Variants in OAS2 observed in about 807,000 individuals in gnomAD.
The protein encoded by OAS2 is 2'-5'-oligoadenylate synthetase 2, also known as 2'-5'-oligoadenylate synthase 2.
A neutral mutation model predicts 71.3 loss-of-function variants in OAS2; 67 were observed. The ratio of observed to expected loss-of-function variants is 0.94; its 90% CI spans 0.77 to 1.15. The LOEUF is 1.15. Ranked by LOEUF, OAS2 falls within the 50% of genes most tolerant of loss-of-function variation. The probability of loss-of-function intolerance (pLI) is 0.00; values close to 1 mark genes in which losing one functional copy is unlikely to be tolerated. For synonymous variants in OAS2, 327 were observed against 321.8 expected (o/e 1.02, Z -0.17); for missense variants, 789 against 822.5 (o/e 0.96, Z 0.50).
In OAS2 at chr12:113,011,720, A is replaced by G. The variant is rs542681744; in HGVS notation, c.*2465A>G. ...ATAATAAAATGGTGATTGTAAGTAG[A>G]GCATTTTCCTGAGTTCTATGAGTCA... On this transcript the variant is annotated 3_prime_UTR_variant, in exon 10 of 10. Transcript: ENST00000392583. The G allele has an allele frequency of 6.6e-6, 1 of 152,336 alleles. No individual in the cohort carries two copies. The highest frequency in any genetic ancestry group is 1.9e-4 in the East Asian group (1 of 5,186). The allele number at this position is 152,336 out of a possible 1,614,324, so 9.4% of individuals were successfully genotyped here.
In OAS2 at chr12:113,009,125, T is replaced by A. The variant is rs775813582; in HGVS notation, c.1934T>A (p.Val645Glu). 6.2e-7 allele frequency: 1 copy of A among 1,613,800 alleles called. No homozygotes were observed. Among genetic ancestry groups the A allele is most frequent in the African/African-American group, 1.3e-5 (1 of 74,896 alleles). ...ILDPAEPTGD[V>E]GGGDRWCWHL... ...GACCCAGCCGAACCCACAGGTGACG[T>A]GGGTGGAGGGGACCGTTGGTGTTGG... The change falls in exon 10 of 10, where the codon GTG becomes GAG. Residue 645 changes from valine (V) to glutamate (E), a missense_variant. Val to Glu is a moderately radical substitution (Grantham distance 121). Transcript: ENST00000392583.
rs1293755 is a variant in OAS2 at position 112,997,645 on chromosome 12, A to T, written c.753A>T (p.Val251=). 1,163,973 of 1,613,938 alleles carry T rather than the reference A, an allele frequency of 0.72. 426,084 individuals are homozygous for T. Among genetic ancestry groups the T allele is most frequent in the East Asian group, 1 (44,837 of 44,868 alleles). ...NFDIAEGVRT[V]LELIKCQEKL... is the part of the protein sequence containing the mutation. ...ACATTGCTGAAGGCGTCAGAACCGT[A>T]CTGGAGCTGATCAAATGCCAGGAGA... The change falls in exon 4 of 10, where the codon GTA becomes GTT. Residue 251 remains valine (V), a synonymous_variant. Coordinates refer to ENST00000392583, the MANE Select transcript of OAS2 (RefSeq NM_002535.3).
intron 1 of OAS2, among the ~76,000 whole-genome samples, chr12:112,983,424 CAT>C (rs2044101689): frequency 6.6e-6 from 1 of 152,100 alleles, no homozygotes; most frequent in Non-Finnish European, 1.5e-5. Flanking sequence ...GGGGTTTCAC[CAT>C]GTTGGTCAGG....
intron 1 of OAS2, among the ~76,000 whole-genome samples, chr12:112,980,011 G>C (rs1337734698): frequency 6.6e-6 from 1 of 152,120 alleles, no homozygotes; most frequent in Non-Finnish European, 1.5e-5. Context: ...TGGTTTCTCT[G>C]ACCTATGATG....
rs372590794 is a variant in OAS2 at position 112,997,559 on chromosome 12, T to C, written c.667T>C (p.Tyr223His). Residue 223 changes from tyrosine (Y) to histidine (H), a missense_variant, in exon 4 of 10, where the codon TAT becomes CAT. Tyr to His is a moderately conservative substitution (Grantham distance 83). Transcript: ENST00000392583. ...KIKDLPSLSP[Y>H]ALELLTVYAW... The stretch of plus-strand genomic sequence containing the variant: ...CAAGGATTTACCCTCGCTGTCTCCG[T>C]ATGCCCTGGAGCTGCTTACGGTGTA... 1 of 1,614,030 alleles carries C rather than the reference T, an allele frequency of 6.2e-7. No homozygotes were observed. Among genetic ancestry groups the C allele is most frequent in the South Asian group, 1.1e-5 (1 of 91,078 alleles).
rs2044372477 is a variant in OAS2, at chr12:113,010,615, C to T, written c.*1360C>T. 9 of 1,361,570 alleles carry T rather than the reference C, an allele frequency of 6.6e-6. No homozygotes were observed. In the South Asian group the frequency reaches 1.5e-4, roughly 23 times the overall value. The allele number at this position is 1,361,570 out of a possible 1,614,324, so 84.3% of individuals were successfully genotyped here. ...GACTTCTTGAAATCAATCAAGACTGCAAACCCTTTCATAAAGTCTTGCCTT... is the reference window on the plus strand; with the variant it reads ...GACTTCTTGAAATCAATCAAGACTGTAAACCCTTTCATAAAGTCTTGCCTT... On this transcript the variant is annotated 3_prime_UTR_variant, in exon 10 of 10. Coordinates refer to ENST00000392583, the MANE Select transcript of OAS2 (RefSeq NM_002535.3).
At chr12:113,004,302 C>G (rs971819219) in intron 6 of OAS2, among the ~76,000 whole-genome samples, 2 of 152,126 alleles carry the variant, frequency 1.3e-5, no homozygotes, top group Non-Finnish European at 2.9e-5. Context: ...CCTCCTTAAC[C>G]CATGTAATCA....
In OAS2 at chr12:113,001,161, T is replaced by C. The variant is rs906706654; in HGVS notation, c.1009-1771T>C. ...GAGTTTGAGACCAGCCTGAGCAACA[T>C]AACAATACCCCGTCTCTACAAAAAT... On this transcript the variant is annotated intron_variant, in intron 5 of 9. Transcript: ENST00000392583. 4.6e-5 allele frequency among the ~76,000 whole-genome samples: 7 copies of C among 151,654 alleles called. No individual in the cohort carries two copies. The East Asian group carries it at 1.4e-3, about 29-fold the overall frequency.
chr12:113,010,612 C>T lies in OAS2; in HGVS notation c.*1357C>T. Reference sequence around the variant, plus strand: ...TTGGACTTCTTGAAATCAATCAAGACTGCAAACCCTTTCATAAAGTCTTGC... The same window carrying T: ...TTGGACTTCTTGAAATCAATCAAGATTGCAAACCCTTTCATAAAGTCTTGC... On this transcript the variant is annotated 3_prime_UTR_variant, in exon 10 of 10. Coordinates refer to ENST00000392583, the MANE Select transcript of OAS2 (RefSeq NM_002535.3). 3 of 1,371,932 alleles carry T rather than the reference C, an allele frequency of 2.2e-6. No individual in the cohort carries two copies. In the South Asian group the frequency reaches 4.9e-5, roughly 23 times the overall value. 85.0% of individuals were successfully genotyped at this position (1,371,932 alleles called of 1,614,324 possible). A position where few individuals can be genotyped will look rare whatever the true frequency, so the allele number is the denominator to read the frequency against.
At position 113,010,311 on chromosome 12, in the gene OAS2, CTT is replaced by C. The variant is rs1308421200; in HGVS notation, c.*1059_*1060del. The C allele has an allele frequency of 6.5e-7, 1 of 1,549,580 alleles. No homozygotes were observed. The highest frequency in any genetic ancestry group is 8.7e-7 in the Non-Finnish European group (1 of 1,151,422). On this transcript the variant is annotated 3_prime_UTR_variant, in exon 10 of 10. Transcript: ENST00000392583. The stretch of plus-strand genomic sequence containing the variant: ...AGGTCCCCCCTTTTTTCCCCTAACT[CTT>C]TTAAGCAATGATTGTAACTATTAGG...
intron 3 of OAS2, 24 bp downstream of exon 3, chr12:112,995,498 T>C (rs772591513): frequency 1.0e-5 from 16 of 1,585,522 alleles, no homozygotes; most frequent in Middle Eastern, 3.3e-4. Context: ...TGTCTATATA[T>C]GGTTATCATT....
chr12:112,986,524 G>A (rs1398111236), intron 1 of OAS2, among the ~76,000 whole-genome samples: 1 of 152,144 alleles, frequency 6.6e-6, no homozygotes, highest in Non-Finnish European at 1.5e-5. Context: ...AGGCAGAGTG[G>A]GCCCATCCTT....
chr12:112,996,551 C>G (rs1401381791), intron 3 of OAS2, among the ~76,000 whole-genome samples: 2 of 151,992 alleles, frequency 1.3e-5, no homozygotes, highest in Non-Finnish European at 2.9e-5. Flanking sequence ...CAAAGCCAAA[C>G]AGACTTTGGG....
intron 2 of OAS2, chr12:112,987,836 AG>A: frequency 1.0e-6 from 1 of 986,860 alleles, no homozygotes; most frequent in Non-Finnish European, 1.2e-6. Context: ...TAACTATCAA[AG>A]CTTGAGGGGG....
At chr12:112,986,544 G>A (rs1272062220) in intron 1 of OAS2, among the ~76,000 whole-genome samples, 1 of 152,174 alleles carries the variant, frequency 6.6e-6, no homozygotes, top group Non-Finnish European at 1.5e-5. Context: ...TAGGCCTCTG[G>A]ATGGTGTGTG....
intron 8 of OAS2, among the ~76,000 whole-genome samples, chr12:113,006,980 A>T (rs2044340891): frequency 6.6e-6 from 1 of 152,192 alleles, no homozygotes; most frequent in Non-Finnish European, 1.5e-5. Flanking sequence ...TGTAGGTGGA[A>T]CCGGGGCTGC....
intron 2 of OAS2, among the ~76,000 whole-genome samples, chr12:112,992,083 C>A (rs2044197503): frequency 1.4e-5 from 2 of 142,968 alleles, no homozygotes; most frequent in Admixed American, 7.1e-5. Flanking sequence ...AGTACAGGTG[C>A]ACATATAATC....
intron 2 of OAS2, among the ~76,000 whole-genome samples, chr12:112,994,704 G>A (rs1485730077): frequency 6.6e-6 from 1 of 152,160 alleles, no homozygotes; most frequent in Non-Finnish European, 1.5e-5. Flanking sequence ...TTACAGGCAT[G>A]AGCCACCGTG....
chr12:113,003,145 A>G (rs2044304661), intron 6 of OAS2, 43 bp downstream of exon 6: 10 of 1,594,642 alleles, frequency 6.3e-6, no homozygotes, highest in Non-Finnish European at 8.6e-6. Context: ...ATGATGTAAT[A>G]TTGGGCATTC....
Sources: allele counts gnomAD v4.1 joint callset (sites outside exome capture counted in the v4.1 genomes callset), GRCh38; gene constraint gnomAD v4.1.1; transcripts MANE v1.5; gene names NCBI Gene and HGNC (gene_info 2026-07-23, HGNC 2026-07-21).